RAD51B: variants seen among roughly 807,000 people sequenced by gnomAD.
RAD51B encodes the protein DNA repair protein RAD51 homolog 2.
In RAD51B, 38 loss-of-function variants were observed where a neutral mutation model predicts 42.2. The ratio of observed to expected loss-of-function variants is 0.90; its 90% CI spans 0.70 to 1.18. The LOEUF (loss-of-function observed/expected upper bound fraction) is 1.18. RAD51B is among the 50% of genes most tolerant of loss of function. The pLI, the probability that RAD51B is intolerant of heterozygous loss-of-function variation, is 0.00. For synonymous variants in RAD51B, 154 were observed against 145.2 expected, an observed-to-expected ratio of 1.06 and a Z score of -0.43; for missense variants, 373 against 400.7, an observed-to-expected ratio of 0.93 and a Z score of 0.59.
At chr14:68,611,631 T>G, downstream of RAD51B, 1 of 348,844 alleles carries the variant, frequency 2.9e-6, no homozygotes. Flanking sequence ...TGAATAGGAC[T>G]CCACCTATCT....
chr14:67,831,075 A>C (rs1264248063), intron 3 of RAD51B, among the ~76,000 whole-genome samples: 2 of 151,290 alleles, frequency 1.3e-5, no homozygotes, highest in Non-Finnish European at 3.0e-5. Flanking sequence ...CGGTTTCAGC[A>C]TGTTGGCCAG....
intron 7 of RAD51B, among the ~76,000 whole-genome samples, chr14:68,010,376 G>A (rs1405790321): frequency 6.6e-6 from 1 of 151,824 alleles, no homozygotes; most frequent in Non-Finnish European, 1.5e-5. Context: ...TTAGTCCACA[G>A]ATTTATAGAA....
chr14:68,486,295 G>A (rs755656187), intron 10 of RAD51B, among the ~76,000 whole-genome samples: 4 of 152,088 alleles, frequency 2.6e-5, no homozygotes, highest in Admixed American at 6.5e-5. Context: ...CTACTGTGGG[G>A]TTCTAGTCAG....
chr14:68,240,862 T>C (rs114595483), intron 7 of RAD51B, among the ~76,000 whole-genome samples: 322 of 152,376 alleles, frequency 2.1e-3, no homozygotes, highest in African/African-American at 7.5e-3. Context: ...GGAAAGGAAC[T>C]AGCATATGCT....
chr14:68,420,949 C>T (rs923054721), intron 9 of RAD51B, among the ~76,000 whole-genome samples: 2 of 152,186 alleles, frequency 1.3e-5, no homozygotes, highest in Admixed American at 1.3e-4. Context: ...GGTGATGATT[C>T]TGCTGGGTTG....
intron 9 of RAD51B, among the ~76,000 whole-genome samples, chr14:68,442,081 T>A (rs905551647): frequency 6.6e-6 from 1 of 152,184 alleles, no homozygotes; most frequent in Non-Finnish European, 1.5e-5. Context: ...AATCTGCATT[T>A]CTACATTGCT....
chr14:68,637,130 A>T (rs1253433355), intron 10 of RAD51B, among the ~76,000 whole-genome samples: 1 of 152,136 alleles, frequency 6.6e-6, no homozygotes, highest in Admixed American at 6.5e-5. Flanking sequence ...CTCAGGCTAG[A>T]GTGCAGTGGT....
At chr14:68,394,713 G>A (rs1323249298) in intron 8 of RAD51B, among the ~76,000 whole-genome samples, 1 of 152,204 alleles carries the variant, frequency 6.6e-6, no homozygotes, top group Non-Finnish European at 1.5e-5. Context: ...TCCCCCAGTG[G>A]GTTTTGAGGG....
At chr14:68,186,883 A>C (rs7154205) in intron 7 of RAD51B, among the ~76,000 whole-genome samples, 3,669 of 152,222 alleles carry the variant, frequency 0.024, 116 homozygotes, top group African/African-American at 0.073. Context: ...ATAGAAAACA[A>C]ATTTTTCTAC....
chr14:68,071,394 T>C (rs1029077672), intron 7 of RAD51B, among the ~76,000 whole-genome samples: 8 of 152,146 alleles, frequency 5.3e-5, no homozygotes, highest in African/African-American at 1.7e-4. Flanking sequence ...TGATGTTGGA[T>C]GTGGATTTGT....
intron 7 of RAD51B, among the ~76,000 whole-genome samples, chr14:68,091,679 C>T (rs537745244): frequency 6.6e-6 from 1 of 152,286 alleles, no homozygotes; most frequent in South Asian, 2.1e-4. Flanking sequence ...GTTTCTTTTG[C>T]TGTGCAGAAG....
intron 7 of RAD51B, among the ~76,000 whole-genome samples, chr14:68,276,623 A>G (rs1321611164): frequency 1.3e-5 from 2 of 152,156 alleles, no homozygotes; most frequent in East Asian, 3.8e-4. Flanking sequence ...CTATTTCAGA[A>G]GAGGAAGGAA....
intron 7 of RAD51B, among the ~76,000 whole-genome samples, chr14:68,277,984 CTG>C (rs2081256156): frequency 6.6e-6 from 1 of 152,230 alleles, no homozygotes; most frequent in Non-Finnish European, 1.5e-5. Context: ...CTAAAATGAT[CTG>C]CCCGTCTTGG....
chr14:67,846,547 G>T (rs1022916475), intron 4 of RAD51B, among the ~76,000 whole-genome samples: 1 of 152,120 alleles, frequency 6.6e-6, no homozygotes, highest in Non-Finnish European at 1.5e-5. Flanking sequence ...TGCAGTCAGT[G>T]GTGGTCTGGT....
At chr14:68,669,451 A>G (rs1893106440) in intron 11 of RAD51B, among the ~76,000 whole-genome samples, 1 of 152,152 alleles carries the variant, frequency 6.6e-6, no homozygotes. Context: ...CCTTGGGCCT[A>G]GGGGCAGGGA....
intron 7 of RAD51B, among the ~76,000 whole-genome samples, chr14:68,170,023 A>G (rs1346130274): frequency 6.6e-6 from 1 of 152,232 alleles, no homozygotes; most frequent in African/African-American, 2.4e-5. Context: ...GTTCTTCATT[A>G]GGAAGATGCC....
At chr14:68,665,879 C>G (rs1470757980) in intron 11 of RAD51B, among the ~76,000 whole-genome samples, 1 of 152,178 alleles carries the variant, frequency 6.6e-6, no homozygotes, top group Admixed American at 6.6e-5. Context: ...ACCCCCAACT[C>G]AGGGTGAAGC....
chr14:68,204,564 TG>T (rs1271616317), intron 7 of RAD51B, among the ~76,000 whole-genome samples: 1 of 152,204 alleles, frequency 6.6e-6, no homozygotes, highest in Non-Finnish European at 1.5e-5. Flanking sequence ...CTAATAGACT[TG>T]TTTGATGCAG....
intron 7 of RAD51B, among the ~76,000 whole-genome samples, chr14:68,241,057 T>A (rs1249675705): frequency 1.3e-5 from 2 of 152,238 alleles, no homozygotes; most frequent in Non-Finnish European, 2.9e-5. Flanking sequence ...GATATCTACC[T>A]GGGCCTAGTC....
Sources: gnomAD v4.1 joint callset for allele counts (sites outside exome capture counted in the v4.1 genomes callset) on GRCh38, gnomAD v4.1.1 for gene constraint, MANE v1.5 for transcripts, NCBI Gene and HGNC (gene_info 2026-07-23, HGNC 2026-07-21) for gene names.